The following KHDRBS2 variants were observed in gnomAD, a reference collection of about 807,000 sequenced individuals.
The protein encoded by KHDRBS2 is KH domain-containing, RNA-binding, signal transduction-associated protein 2.
KHDRBS2 carries 26 observed loss-of-function variants against 44.3 expected under a neutral mutation model. That is an observed-to-expected ratio of 0.59 (90% confidence interval 0.43 to 0.81). The LOEUF (loss-of-function observed/expected upper bound fraction) is 0.81, where lower values mean the gene tolerates loss of function less well. Among genes scored for constraint, KHDRBS2 ranks in the 40% least tolerant of loss-of-function variants. KHDRBS2 has a pLI of 0.00. For missense variants in KHDRBS2, 476 were observed against 433.1 expected (o/e 1.10, Z -0.88); for synonymous variants, 194 against 151.1 (o/e 1.28, Z -2.08).
intron 1 of KHDRBS2, among the ~76,000 whole-genome samples, chr6:62,243,587 A>G (rs1242777533): frequency 1.4e-5 from 2 of 146,438 alleles, no homozygotes; most frequent in African/African-American, 5.4e-5. Flanking sequence ...ACTCAAACAT[A>G]ATACATCATA....
intron 3 of KHDRBS2, among the ~76,000 whole-genome samples, chr6:61,978,901 C>T (rs1455191294): frequency 1.3e-5 from 2 of 152,040 alleles, no homozygotes; most frequent in East Asian, 3.9e-4. Flanking sequence ...GGTGGAAAAG[C>T]AATTGCCATT....
intron 6 of KHDRBS2, among the ~76,000 whole-genome samples, chr6:61,791,626 C>T (rs893160312): frequency 5.2e-4 from 79 of 151,152 alleles, no homozygotes; most frequent in African/African-American, 1.7e-3. Flanking sequence ...TGAACGCATG[C>T]GCTTGAAAAG....
At chr6:62,175,184 C>A (rs1820838024) in intron 2 of KHDRBS2, among the ~76,000 whole-genome samples, 1 of 151,588 alleles carries the variant, frequency 6.6e-6, no homozygotes, top group African/African-American at 2.4e-5. Flanking sequence ...GAATTTCACT[C>A]TTTTTCTATC....
At chr6:61,734,150 TA>T (rs751591341) in intron 6 of KHDRBS2, among the ~76,000 whole-genome samples, 74 of 152,278 alleles carry the variant, frequency 4.9e-4, no homozygotes, top group Non-Finnish European at 2.8e-4. Context: ...TACCATCATA[TA>T]ATGCTATTAT....
chr6:62,048,087 C>A, intron 2 of KHDRBS2, 93 bp from the exon 3 acceptor site: 1 of 721,584 alleles, frequency 1.4e-6, no homozygotes, highest in East Asian at 2.7e-5. Flanking sequence ...GTTTTCCAAA[C>A]TTTACCACTG....
chr6:61,736,965 A>G (rs1488434183), intron 6 of KHDRBS2, among the ~76,000 whole-genome samples: 1 of 151,914 alleles, frequency 6.6e-6, no homozygotes, highest in Non-Finnish European at 1.5e-5. Context: ...CACCTTTTTG[A>G]TGTATTGTAG....
At chr6:61,841,763 C>T (rs1344563355) in intron 6 of KHDRBS2, among the ~76,000 whole-genome samples, 2 of 152,110 alleles carry the variant, frequency 1.3e-5, no homozygotes, top group Non-Finnish European at 2.9e-5. Context: ...CCATTTGAAG[C>T]AGTAATTGTT....
intron 1 of KHDRBS2, among the ~76,000 whole-genome samples, chr6:62,203,767 C>T (rs1827453665): frequency 6.6e-6 from 1 of 152,120 alleles, no homozygotes; most frequent in Admixed American, 6.6e-5. Flanking sequence ...ACAGCTATAA[C>T]TAGCATTTAT....
intron 2 of KHDRBS2, among the ~76,000 whole-genome samples, chr6:62,161,016 G>A (rs755565350): frequency 1.1e-4 from 17 of 152,016 alleles, no homozygotes; most frequent in Admixed American, 3.9e-4. Context: ...ACCATTCTAC[G>A]TTCTGTCTTT....
chr6:62,189,565 A>G (rs1204330527), intron 1 of KHDRBS2, among the ~76,000 whole-genome samples: 1 of 152,104 alleles, frequency 6.6e-6, no homozygotes, highest in Non-Finnish European at 1.5e-5. Flanking sequence ...AATTTTGAAG[A>G]ATTTTAGCAC....
At chr6:62,055,217 G>C (rs1477955196) in intron 2 of KHDRBS2, among the ~76,000 whole-genome samples, 4 of 151,814 alleles carry the variant, frequency 2.6e-5, no homozygotes, top group Non-Finnish European at 5.9e-5. Context: ...TAAAGCAGTA[G>C]TTTACAAAAA....
intron 4 of KHDRBS2, among the ~76,000 whole-genome samples, chr6:61,961,745 G>A (rs1768781884): frequency 2.0e-5 from 3 of 152,048 alleles, no homozygotes; most frequent in South Asian, 2.1e-4. Flanking sequence ...GGAAGACCAC[G>A]GCACATGAGG....
At chr6:61,815,584 A>G (rs1215547253) in intron 6 of KHDRBS2, among the ~76,000 whole-genome samples, 2 of 152,186 alleles carry the variant, frequency 1.3e-5, no homozygotes, top group African/African-American at 2.4e-5. Context: ...TCTAGGATCA[A>G]TGGCAATGAA....
intron 1 of KHDRBS2, among the ~76,000 whole-genome samples, chr6:62,193,856 A>G (rs1275414731): frequency 2.6e-5 from 4 of 152,120 alleles, no homozygotes; most frequent in Non-Finnish European, 4.4e-5. Context: ...TAACATTATC[A>G]TTGTAAATTT....
chr6:61,709,715 C>CT (rs1770178024), intron 7 of KHDRBS2, among the ~76,000 whole-genome samples: 1 of 151,564 alleles, frequency 6.6e-6, no homozygotes, highest in Non-Finnish European at 1.5e-5. Context: ...ATAAATAATG[C>CT]TTTCCACTGA....
At chr6:62,144,317 T>A (rs1419058161) in intron 2 of KHDRBS2, among the ~76,000 whole-genome samples, 1 of 151,968 alleles carries the variant, frequency 6.6e-6, no homozygotes, top group East Asian at 1.9e-4. Flanking sequence ...TATTTATTTT[T>A]AAAATTGCAT....
At chr6:62,109,426 G>C (rs1218590524) in intron 2 of KHDRBS2, among the ~76,000 whole-genome samples, 1 of 151,510 alleles carries the variant, frequency 6.6e-6, no homozygotes, top group Non-Finnish European at 1.5e-5. Context: ...AAAGATTTTT[G>C]GTTTTAACAC....
chr6:62,010,748 C>T (rs1268891774), intron 3 of KHDRBS2, among the ~76,000 whole-genome samples: 3 of 151,998 alleles, frequency 2.0e-5, no homozygotes, highest in Non-Finnish European at 4.4e-5. Context: ...CTCCTCCTTG[C>T]CTTCCACCAC....
At chr6:62,255,974 A>T (rs1485177226) in intron 1 of KHDRBS2, among the ~76,000 whole-genome samples, 2 of 151,842 alleles carry the variant, frequency 1.3e-5, no homozygotes, top group Non-Finnish European at 2.9e-5. Flanking sequence ...TTTACTAAAA[A>T]AAAAATAAAA....
Sources: allele counts gnomAD v4.1 joint callset (sites outside exome capture counted in the v4.1 genomes callset), GRCh38; gene constraint gnomAD v4.1.1; transcripts MANE v1.5; gene names NCBI Gene and HGNC (gene_info 2026-07-23, HGNC 2026-07-21).